KCNN4: variants seen among roughly 807,000 people sequenced by gnomAD.
KCNN4 encodes the protein potassium calcium-activated channel subfamily N member 4.
In KCNN4, 31 loss-of-function variants were observed where a neutral mutation model predicts 45.2. That is an observed-to-expected ratio of 0.69 (90% CI 0.52 to 0.92). The LOEUF (loss-of-function observed/expected upper bound fraction) is 0.92. Ranked by LOEUF, KCNN4 falls within the 40% of genes least tolerant of loss-of-function variation. The pLI is 0.00. For missense variants in KCNN4, 463 were observed against 574.0 expected (o/e 0.81, Z 1.98); for synonymous variants, 231 against 254.6 (o/e 0.91, Z 0.88).
In KCNN4 at chr19:43,769,676, C is replaced by T; in HGVS notation, c.930+43G>A. The T allele has an allele frequency of 6.3e-7, 1 of 1,576,046 alleles. No individual in the cohort carries two copies. The highest frequency in any genetic ancestry group is 8.7e-7 in the Non-Finnish European group (1 of 1,146,760). ...AGCAGGGGCGCCTGGACTCCTGCTT[C>T]TTGGAAGAGGGGTGTCCCATGGGTG... is the stretch of plus-strand genomic sequence containing the variant. On this transcript the variant is annotated intron_variant, in intron 5 of 8. Transcript: ENST00000648319. The surrounding 1 kb of genome is among the most constrained non-coding windows in gnomAD (Gnocchi z 4.4).
At position 43,780,843 on chromosome 19, in the gene KCNN4, G is replaced by C. The variant is rs1969968041; in HGVS notation, c.19C>G (p.Leu7Val). The C allele has an allele frequency of 6.2e-7, 1 of 1,613,886 alleles. No individual in the cohort carries two copies. Among genetic ancestry groups the C allele is most frequent in the South Asian group, 1.1e-5 (1 of 91,076 alleles). MGGDLVLGLGALRRRKR... is the reference protein window; with the variant it reads MGGDLVVGLGALRRRKR... Reference sequence around the variant, plus strand: ...CGGCGTCTCAAGGCCCCCAGGCCAAGCACCAGATCCCCGCCCATGGCCCCC... The same window carrying C: ...CGGCGTCTCAAGGCCCCCAGGCCAACCACCAGATCCCCGCCCATGGCCCCC... The change falls in exon 1 of 9, where the codon CTT becomes GTT. Residue 7 changes from leucine to valine, a missense_variant. By Grantham distance (32) the Leu-to-Val change is conservative. Around this residue, in one of 3 missense-constraint regions of KCNN4, gnomAD observed 225 missense variants for 240.9 expected, o/e 0.93. Coordinates refer to ENST00000648319, the MANE Select transcript of KCNN4 (RefSeq NM_002250.3).
chr19:43,774,534 A>G lies in KCNN4; in HGVS notation c.341T>C (p.Val114Ala). ...QAAQIVLELV[V>A]CGLHPAPVRG... Reference sequence around the variant, plus strand: ...CACGGGCGCCGGGTGCAGCCCACACACCACCAGCTCCAGCACGATCTGCGC... The same window carrying G: ...CACGGGCGCCGGGTGCAGCCCACACGCCACCAGCTCCAGCACGATCTGCGC... Residue 114 changes from valine to alanine, a missense_variant, in exon 3 of 9, where the codon GTG (valine) becomes GCG (alanine). By Grantham distance (64) the Val-to-Ala change is moderately conservative (BLOSUM62 0). This residue lies in a region of KCNN4 where 225 missense variants were observed against 240.9 expected (regional missense o/e 0.93). Transcript: ENST00000648319. The surrounding 1 kb of genome is among the most constrained non-coding windows in gnomAD (Gnocchi z 5.6). 6.3e-7 allele frequency: 1 copy of G among 1,594,310 alleles called. No individual in the cohort carries two copies. The highest frequency in any genetic ancestry group is 8.5e-7 in the Non-Finnish European group (1 of 1,175,370).
rs528097532 is a variant in KCNN4 at position 43,770,705 on chromosome 19, G to T, written c.820-876C>A. On this transcript the variant is annotated intron_variant, in intron 4 of 8. Coordinates refer to ENST00000648319, the MANE Select transcript of KCNN4 (RefSeq NM_002250.3). The stretch of plus-strand genomic sequence containing the variant: ...CACAGGGTTACTAGGTGGATTTCAT[G>T]AATTACCCCTGGCAAGTGTGTAGGG... Among the ~76,000 whole-genome samples the T allele has an allele frequency of 1.1e-4, 17 of 152,304 alleles. No homozygotes were observed. In the Middle Eastern group the frequency reaches 0.01, roughly 91 times the overall value.
intron 7 of KCNN4, among the ~76,000 whole-genome samples, chr19:43,768,101 T>G (rs924680888): frequency 6.6e-6 from 1 of 152,254 alleles, no homozygotes; most frequent in Non-Finnish European, 1.5e-5. Flanking sequence ...ATTCTCTGGC[T>G]AGGATTCACT....
chr19:43,771,038 G>T (rs1285058456), intron 4 of KCNN4, among the ~76,000 whole-genome samples: 1 of 152,164 alleles, frequency 6.6e-6, no homozygotes, highest in Non-Finnish European at 1.5e-5. Context: ...CCACATCTGG[G>T]CTAGGTGCTG....
At chr19:43,775,428 T>G (rs1007127759) in intron 2 of KCNN4, among the ~76,000 whole-genome samples, 3 of 152,200 alleles carry the variant, frequency 2.0e-5, no homozygotes, top group Admixed American at 1.3e-4. Context: ...ACTTAGTAAA[T>G]GCCCACAACC....
At position 43,780,930 on chromosome 19, in the gene KCNN4, C is replaced by T. The variant is rs933800618; in HGVS notation, c.-69G>A. ...CCCCCACCTCGCAGCACGCACAGGG[C>T]AGCCACTGTGGCTTGCAGGTCGTCA... is the stretch of plus-strand genomic sequence containing the variant. On this transcript the variant is annotated 5_prime_UTR_variant, in exon 1 of 9. Transcript: ENST00000648319. 1 of 1,519,560 alleles carries T rather than the reference C, an allele frequency of 6.6e-7. No individual in the cohort carries two copies. Among genetic ancestry groups the T allele is most frequent in the East Asian group, 2.3e-5 (1 of 44,304 alleles). 94.1% of individuals were successfully genotyped at this position (1,519,560 alleles called of 1,614,324 possible). A position where few individuals can be genotyped will look rare whatever the true frequency, so the allele number is the denominator to read the frequency against.
At position 43,773,859 on chromosome 19, in the gene KCNN4, C is replaced by G. The variant is rs148552712; in HGVS notation, c.683+333G>C. ...GGCAGAGGCAACCCTTTAGGCAGGTCCCAGAGATAGGTTCGGAGACCGAAC... is the reference window on the plus strand; with the variant it reads ...GGCAGAGGCAACCCTTTAGGCAGGTGCCAGAGATAGGTTCGGAGACCGAAC... On this transcript the variant is annotated intron_variant, in intron 3 of 8. Coordinates refer to ENST00000648319, the MANE Select transcript of KCNN4 (RefSeq NM_002250.3). 3.8e-3 allele frequency among the ~76,000 whole-genome samples: 585 copies of G among 152,286 alleles called. 1 individual carries two copies. Among genetic ancestry groups the G allele is most frequent in the Non-Finnish European group, 6.3e-3 (426 of 68,014 alleles).
chr19:43,780,500 T>TCCAAGCCCCCAGC lies in KCNN4; in HGVS notation c.159+202_159+203insGCTGGGGGCTTGG, dbSNP rs1969949692. Among the ~76,000 whole-genome samples, 32 of 16,372 alleles carry TCCAAGCCCCCAGC rather than the reference T, an allele frequency of 2.0e-3. 1 individual carries two copies. The highest frequency in any genetic ancestry group is 7.6e-3 in the African/African-American group (29 of 3,808). 10.7% of individuals were successfully genotyped at this position (16,372 alleles called of 152,430 possible). A position where few individuals can be genotyped will look rare whatever the true frequency, so the allele number is the denominator to read the frequency against. ...CAGACCCAGGAGTCCAGGCCCTCAGTCCCTCCTCCCTCAGACCCAGGAGTC... is the reference window on the plus strand; with the variant it reads ...CAGACCCAGGAGTCCAGGCCCTCAGTCCAAGCCCCCAGCCCCTCCTCCCTCAGACCCAGGAGTC... On this transcript the variant is annotated intron_variant, in intron 1 of 8. Coordinates refer to ENST00000648319, the MANE Select transcript of KCNN4 (RefSeq NM_002250.3).
At chr19:43,775,477 T>C (rs1469441033) in intron 2 of KCNN4, among the ~76,000 whole-genome samples, 1 of 152,196 alleles carries the variant, frequency 6.6e-6, no homozygotes, top group Non-Finnish European at 1.5e-5. Flanking sequence ...ATTTTATAGA[T>C]GTGGAAGCTG....
At chr19:43,770,633 G>A (rs1471762359) in intron 4 of KCNN4, among the ~76,000 whole-genome samples, 4 of 152,228 alleles carry the variant, frequency 2.6e-5, no homozygotes, top group Non-Finnish European at 5.9e-5. Context: ...CTCTGAGCAA[G>A]TTATTTAATC....
chr19:43,776,568 G>C lies in KCNN4; in HGVS notation c.228C>G (p.Ile76Met), dbSNP rs144902329. The stretch of plus-strand genomic sequence containing the variant: ...GGACCTCTTTGGCATGAAAGGCCAC[G>C]ATGAGGCAGAGGAGTAAGAAGGTGG... The part of the protein sequence containing the change: ...SISTFLLLCL[I>M]VAFHAKEVQL... Residue 76 changes from isoleucine to methionine, a missense_variant, in exon 2 of 9, where the codon ATC becomes ATG. Physicochemically the swap from Ile to Met is conservative, Grantham distance 10. Transcript: ENST00000648319. 3 of 1,613,746 alleles carry C rather than the reference G, an allele frequency of 1.9e-6. No homozygotes were observed. Among genetic ancestry groups the C allele is most frequent in the Admixed American group, 3.3e-5 (2 of 60,018 alleles).
At position 43,776,348 on chromosome 19, in the gene KCNN4, G is replaced by A. The variant is rs936333480; in HGVS notation, c.255+193C>T. 3.3e-5 allele frequency among the ~76,000 whole-genome samples: 5 copies of A among 151,822 alleles called. No homozygotes were observed. The East Asian group carries it at 5.8e-4, about 18-fold the overall frequency. ...GGGGCTGGGGACTACAGGGGAAGGC[G>A]GAGCTGGTGGGGGAGGCTCTGCCTG... On this transcript the variant is annotated intron_variant, in intron 2 of 8. Transcript: ENST00000648319.
intron 2 of KCNN4, among the ~76,000 whole-genome samples, chr19:43,775,989 G>A (rs187100223): frequency 8.6e-5 from 13 of 151,986 alleles, no homozygotes; most frequent in African/African-American, 2.7e-4. Flanking sequence ...TTAGCTGGGC[G>A]TGGTGGCATC....
chr19:43,780,390 C>T (rs1234912777), intron 1 of KCNN4, among the ~76,000 whole-genome samples: 10 of 146,346 alleles, frequency 6.8e-5, no homozygotes, highest in Admixed American at 6.8e-5. Flanking sequence ...TGACCCCCAG[C>T]CCCTCCTCCC....
chr19:43,780,945 G>T lies in KCNN4; in HGVS notation c.-84C>A. ...ACGCACAGGGCAGCCACTGTGGCTTGCAGGTCGTCAGCCTGCTCTGCTGGC... is the reference window on the plus strand; with the variant it reads ...ACGCACAGGGCAGCCACTGTGGCTTTCAGGTCGTCAGCCTGCTCTGCTGGC... On this transcript the variant is annotated 5_prime_UTR_variant, in exon 1 of 9. Transcript: ENST00000648319. 1 of 1,411,186 alleles carries T rather than the reference G, an allele frequency of 7.1e-7. No individual in the cohort carries two copies. The highest frequency in any genetic ancestry group is 9.9e-7 in the Non-Finnish European group (1 of 1,014,964). 87.4% of individuals were successfully genotyped at this position (1,411,186 alleles called of 1,614,324 possible).
chr19:43,772,672 C>T lies in KCNN4; in HGVS notation c.684-537G>A, dbSNP rs1969674827. ...CACAGAGGAGACATTTAAGTCCAGC[C>T]ATGGAAGGGGTTGAAACATTGAGAT... On this transcript the variant is annotated intron_variant, in intron 3 of 8. Transcript: ENST00000648319. The surrounding 1 kb of genome is among the most constrained non-coding windows in gnomAD (Gnocchi z 4.4). Among the ~76,000 whole-genome samples the T allele has an allele frequency of 6.6e-6, 1 of 152,178 alleles. No homozygotes were observed. Among genetic ancestry groups the T allele is most frequent in the Non-Finnish European group, 1.5e-5 (1 of 68,034 alleles).
intron 1 of KCNN4, among the ~76,000 whole-genome samples, 176 bp downstream of exon 1, chr19:43,780,527 A>AGTCCCC (rs1969951906): frequency 1.4e-5 from 1 of 69,232 alleles, no homozygotes; most frequent in African/African-American, 6.3e-5. Context: ...CCAGGAGTCC[A>AGTCCCC]AGTCCCCAGT....
At chr19:43,776,931 T>C (rs987127828) in intron 1 of KCNN4, 3 of 282,442 alleles carry the variant, frequency 1.1e-5, no homozygotes, top group African/African-American at 4.8e-5. Flanking sequence ...ACCCAGTCTC[T>C]ACTAAAAAAA....
Sources: allele counts gnomAD v4.1 joint callset (sites outside exome capture counted in the v4.1 genomes callset), GRCh38; gene constraint gnomAD v4.1.1; regional missense constraint gnomAD v4.1.1; non-coding constraint Gnocchi (gnomAD v3.1); transcripts MANE v1.5; gene names NCBI Gene and HGNC (gene_info 2026-07-23, HGNC 2026-07-21).